SZRD1: variants seen among roughly 807,000 people sequenced by gnomAD.
SZRD1 encodes the protein SUZ RNA-binding domain-containing.
Under a neutral mutation model 17.6 loss-of-function variants are expected in SZRD1, and 7 were observed. The ratio of observed to expected loss-of-function variants is 0.40; its 90% CI spans 0.23 to 0.75. The LOEUF (loss-of-function observed/expected upper bound fraction) is 0.75, where lower values mean the gene tolerates loss of function less well. Ranked by LOEUF, SZRD1 falls within the 30% of genes least tolerant of loss-of-function variation. The pLI is 0.38. For synonymous variants in SZRD1, 77 were observed against 77.9 expected, an observed-to-expected ratio of 0.99 and a Z score of 0.06; for missense variants, 178 against 201.8, an observed-to-expected ratio of 0.88 and a Z score of 0.71.
In SZRD1 at chr1:16,397,907, C is replaced by CA; in HGVS notation, c.*2768dup. On this transcript the variant is annotated 3_prime_UTR_variant, in exon 4 of 4. Transcript: ENST00000401088. The surrounding 1 kb of genome is among the most constrained non-coding windows in gnomAD (Gnocchi z 5.4). Reference sequence around the variant, plus strand: ...GGCTGTACCCAGCCTCCCTGGTAAGCAGAGACTCAAGAAACCTCTGGGGTC... The same window carrying CA: ...GGCTGTACCCAGCCTCCCTGGTAAGCAAGAGACTCAAGAAACCTCTGGGGTC... 1 of 457,226 alleles carries CA rather than the reference C, an allele frequency of 2.2e-6. No individual in the cohort carries two copies. The highest frequency in any genetic ancestry group is 2.9e-6 in the Non-Finnish European group (1 of 347,038). The allele number at this position is 457,226 out of a possible 1,614,324, so 28.3% of individuals were successfully genotyped here. A position where few individuals can be genotyped will look rare whatever the true frequency, so the allele number is the denominator to read the frequency against.
rs2100758578 is a variant in SZRD1 at position 16,395,547 on chromosome 1, A to C, written c.*407A>C. 1.0e-5 allele frequency: 2 copies of C among 192,578 alleles called. No individual in the cohort carries two copies. The highest frequency in any genetic ancestry group is 2.2e-5 in the Non-Finnish European group (2 of 91,200). The allele number at this position is 192,578 out of a possible 1,614,324, so 11.9% of individuals were successfully genotyped here. A position where few individuals can be genotyped will look rare whatever the true frequency, so the allele number is the denominator to read the frequency against. On this transcript the variant is annotated 3_prime_UTR_variant, in exon 4 of 4. Transcript: ENST00000401088. ...CACAAATGAAAACTCACACCCACCCACCCCCAAGTGCATGTCTCCATCACT... is the reference window on the plus strand; with the variant it reads ...CACAAATGAAAACTCACACCCACCCCCCCCCAAGTGCATGTCTCCATCACT...
intron 1 of SZRD1, among the ~76,000 whole-genome samples, chr1:16,382,005 G>C (rs920106949): frequency 2.0e-5 from 3 of 152,192 alleles, no homozygotes; most frequent in Non-Finnish European, 4.4e-5. Context: ...CCAGAGGCTG[G>C]AGCATGATTG....
At chr1:16,381,471 C>T (rs975020912) in intron 1 of SZRD1, among the ~76,000 whole-genome samples, 10 of 149,998 alleles carry the variant, frequency 6.7e-5, no homozygotes, top group African/African-American at 2.2e-4. Flanking sequence ...ACAGGAGAAT[C>T]GCTTGAACCC....
intron 1 of SZRD1, among the ~76,000 whole-genome samples, chr1:16,382,058 T>C (rs1433226397): frequency 2.0e-5 from 3 of 152,134 alleles, no homozygotes; most frequent in East Asian, 1.9e-4. Context: ...CCATGCTTGA[T>C]AGGGGAGAGT....
At chr1:16,392,166 G>A (rs561413737) in intron 2 of SZRD1, among the ~76,000 whole-genome samples, 27 of 152,180 alleles carry the variant, frequency 1.8e-4, no homozygotes, top group African/African-American at 6.3e-4. Context: ...GCTCATCTCA[G>A]CAACCACGCT....
In SZRD1 at chr1:16,392,196, C is replaced by T. The variant is rs550375044; in HGVS notation, c.101+772C>T. 7.9e-5 allele frequency among the ~76,000 whole-genome samples: 12 copies of T among 152,298 alleles called. No homozygotes were observed. The East Asian group carries it at 2.1e-3, about 27-fold the overall frequency. On this transcript the variant is annotated intron_variant, in intron 2 of 3. Transcript: ENST00000401088. ...CACGCTAACCCTGGGTTACAGTCCTCGTTCCATACCATTTGTGTCCTACCC... is the reference window on the plus strand; with the variant it reads ...CACGCTAACCCTGGGTTACAGTCCTTGTTCCATACCATTTGTGTCCTACCC...
At chr1:16,389,966 G>A (rs1003313290) in intron 1 of SZRD1, among the ~76,000 whole-genome samples, 18 of 152,220 alleles carry the variant, frequency 1.2e-4, no homozygotes, top group African/African-American at 4.3e-4. Context: ...GTGTGGGGCT[G>A]TCCTGTACAC....
chr1:16,370,124 T>G (rs1468949225), intron 1 of SZRD1, among the ~76,000 whole-genome samples: 1 of 152,088 alleles, frequency 6.6e-6, no homozygotes, highest in Non-Finnish European at 1.5e-5. Flanking sequence ...ATCCCAAGCA[T>G]GTCTGACTTC....
intron 1 of SZRD1, among the ~76,000 whole-genome samples, chr1:16,382,499 T>G (rs1033805809): frequency 2.0e-5 from 3 of 148,568 alleles, no homozygotes; most frequent in African/African-American, 7.6e-5. Flanking sequence ...CATGGTTTTT[T>G]TTTTTGTTTT....
At chr1:16,373,904 A>G (rs774015109) in intron 1 of SZRD1, among the ~76,000 whole-genome samples, 56 of 152,106 alleles carry the variant, frequency 3.7e-4, no homozygotes, top group Non-Finnish European at 6.9e-4. Flanking sequence ...CACCCGGCCC[A>G]TAGTTAGATT....
At chr1:16,392,820 C>T (rs1386096444) in intron 2 of SZRD1, among the ~76,000 whole-genome samples, 1 of 152,178 alleles carries the variant, frequency 6.6e-6, no homozygotes, top group Non-Finnish European at 1.5e-5. Flanking sequence ...CAAAGGCTCC[C>T]ACCCCACCAG....
intron 1 of SZRD1, among the ~76,000 whole-genome samples, chr1:16,383,014 C>T (rs1366564890): frequency 4.0e-5 from 6 of 151,820 alleles, no homozygotes; most frequent in Non-Finnish European, 5.9e-5. Flanking sequence ...TACAGGTGCC[C>T]GCCACCACGT....
At chr1:16,377,173 G>C (rs1304961453) in intron 1 of SZRD1, among the ~76,000 whole-genome samples, 1 of 152,170 alleles carries the variant, frequency 6.6e-6, no homozygotes, top group African/African-American at 2.4e-5. Flanking sequence ...ACTGGGATTT[G>C]ATGAGGGCAC....
intron 1 of SZRD1, among the ~76,000 whole-genome samples, chr1:16,382,472 A>C (rs1053494705): frequency 7.0e-6 from 1 of 143,868 alleles, no homozygotes; most frequent in African/African-American, 2.6e-5. Flanking sequence ...ACAGGCATGA[A>C]CCACTGCGCC....
chr1:16,379,787 G>A (rs1310538995), intron 1 of SZRD1, among the ~76,000 whole-genome samples: 2 of 123,102 alleles, frequency 1.6e-5, no homozygotes, highest in African/African-American at 6.0e-5. Flanking sequence ...TTGAGACGAA[G>A]TCTCGCTCTG....
chr1:16,374,826 T>A (rs929069419), intron 1 of SZRD1, among the ~76,000 whole-genome samples: 1 of 152,090 alleles, frequency 6.6e-6, no homozygotes, highest in Non-Finnish European at 1.5e-5. Context: ...TAAAATAAAA[T>A]AAAAAAATTT....
intron 1 of SZRD1, 52 bp downstream of exon 1, chr1:16,367,360 G>A: frequency 6.7e-7 from 1 of 1,492,094 alleles, no homozygotes; most frequent in Non-Finnish European, 9.1e-7. Flanking sequence ...CTGGCGTGAG[G>A]GGAGCCTCCG....
chr1:16,376,803 C>G (rs1161247548), intron 1 of SZRD1, among the ~76,000 whole-genome samples: 1 of 89,938 alleles, frequency 1.1e-5, no homozygotes, highest in African/African-American at 3.7e-5. Context: ...GAGACTCTGT[C>G]TCAAAAAAAA....
intron 1 of SZRD1, among the ~76,000 whole-genome samples, chr1:16,386,054 A>G (rs933630638): frequency 6.6e-6 from 1 of 152,176 alleles, no homozygotes; most frequent in Admixed American, 6.5e-5. Context: ...AGTGATGTCA[A>G]GGTTTGGCAA....
Sources: gnomAD v4.1 joint callset for allele counts (sites outside exome capture counted in the v4.1 genomes callset) on GRCh38, gnomAD v4.1.1 for gene constraint, Gnocchi (gnomAD v3.1) non-coding constraint, MANE v1.5 for transcripts, NCBI Gene and HGNC (gene_info 2026-07-23, HGNC 2026-07-21) for gene names.